The following LAPTM5 variants were observed in gnomAD, a reference collection of about 807,000 sequenced individuals.
The protein encoded by LAPTM5 is lysosomal protein transmembrane 5, also known as lysosomal-associated transmembrane protein 5.
Under a neutral mutation model 30.1 loss-of-function variants are expected in LAPTM5, and 11 were observed. The observed-to-expected ratio is 0.37, with a 90% CI of 0.23 to 0.60. The LOEUF is 0.60. Among genes scored for constraint, LAPTM5 ranks in the 20% least tolerant of loss-of-function variants. LAPTM5 has a pLI of 0.71. For missense variants in LAPTM5, 324 were observed against 332.5 expected, an observed-to-expected ratio of 0.97 and a Z score of 0.20; for synonymous variants, 151 against 137.9, an observed-to-expected ratio of 1.10 and a Z score of -0.67.
At chr1:30,741,853 G>A in intron 2 of LAPTM5, 137 bp from the exon 3 acceptor site, 1 of 574,874 alleles carries the variant, frequency 1.7e-6, no homozygotes, top group Non-Finnish European at 3.1e-6. Flanking sequence ...CCCTCTTGCA[G>A]TCCTGAGTCT....
intron 1 of LAPTM5, among the ~76,000 whole-genome samples, chr1:30,750,247 G>A (rs1003857337): frequency 6.6e-6 from 1 of 152,060 alleles, no homozygotes; most frequent in Non-Finnish European, 1.5e-5. Flanking sequence ...GATATCTGGG[G>A]AAGCACCCTC....
At chr1:30,734,007 G>T in intron 7 of LAPTM5, 90 bp from the exon 8 acceptor site, 1 of 1,365,164 alleles carries the variant, frequency 7.3e-7, no homozygotes, top group South Asian at 1.3e-5. Flanking sequence ...CCCCACCTCT[G>T]GCAAAATGAT....
Position 30,739,819 on chromosome 1 carries a change from C to G in LAPTM5, c.377G>C (p.Arg126Pro). The G allele has an allele frequency of 1.2e-6, 2 of 1,602,728 alleles. No individual in the cohort carries two copies. Among genetic ancestry groups the G allele is most frequent in the South Asian group, 2.2e-5 (2 of 89,316 alleles). Reference sequence around the variant, plus strand: ...GGGCTGGGTACTCACAGCACGGCTCCGGGAGGCCAACTTGAGGTAGGCGGG... The same window carrying G: ...GGGCTGGGTACTCACAGCACGGCTCGGGGAGGCCAACTTGAGGTAGGCGGG... ...ELPAYLKLAS[R>P]SRASSSKFPL... Residue 126 changes from arginine to proline, a missense_variant, in exon 4 of 8, where the codon CGG becomes CCG. By Grantham distance (103) the Arg-to-Pro change is moderately radical (BLOSUM62 -2). Coordinates refer to ENST00000294507, the MANE Select transcript of LAPTM5 (RefSeq NM_006762.3). This position sits in a 1 kb window ranked among gnomAD's most constrained non-coding sequence, Gnocchi z 4.2.
intron 1 of LAPTM5, among the ~76,000 whole-genome samples, chr1:30,750,999 C>G: frequency 6.6e-6 from 1 of 152,244 alleles, no homozygotes; most frequent in East Asian, 1.9e-4. Flanking sequence ...GGGAAACCAA[C>G]GCTCGCCTCA....
At chr1:30,743,795 GTT>G (rs756356075) in intron 1 of LAPTM5, among the ~76,000 whole-genome samples, 6 of 107,846 alleles carry the variant, frequency 5.6e-5, no homozygotes, top group Admixed American at 1.2e-4. Context: ...GACTGTGTGG[GTT>G]TTTTTTTTTT....
At chr1:30,734,123 A>T (rs1639855282) in intron 7 of LAPTM5, among the ~76,000 whole-genome samples, 1 of 152,176 alleles carries the variant, frequency 6.6e-6, no homozygotes, top group African/African-American at 2.4e-5. Context: ...GCCTTTGCCT[A>T]TTCAGCATCA....
chr1:30,754,409 G>A (rs1233406443), intron 1 of LAPTM5, among the ~76,000 whole-genome samples: 1 of 152,216 alleles, frequency 6.6e-6, no homozygotes, highest in East Asian at 1.9e-4. Flanking sequence ...GGTGGCATGC[G>A]CCTGTGATCC....
intron 1 of LAPTM5, among the ~76,000 whole-genome samples, chr1:30,749,620 A>G (rs1006531976): frequency 3.3e-5 from 5 of 152,084 alleles, no homozygotes; most frequent in Admixed American, 3.3e-4. Context: ...ACTCCCAGGG[A>G]CCCAGCACAC....
chr1:30,735,024 A>C, intron 7 of LAPTM5, 149 bp downstream of exon 7: 1 of 669,716 alleles, frequency 1.5e-6, no homozygotes, highest in South Asian at 1.7e-5. Flanking sequence ...TGAATCTTAG[A>C]CTACCAGAAC....
Position 30,748,857 on chromosome 1 carries a change from C to T in LAPTM5, c.88-6308G>A, listed in dbSNP as rs76311239. 9.4e-3 allele frequency among the ~76,000 whole-genome samples: 1,436 copies of T among 152,358 alleles called. 24 individuals are homozygous for T. Among genetic ancestry groups the T allele is most frequent in the African/African-American group, 0.033 (1,355 of 41,558 alleles). ...ACCTCAGTGAGAACCCCAGTGCAGC[C>T]GCTGATCCCCTGTGGGATCCTGGCC... On this transcript the variant is annotated intron_variant, in intron 1 of 7. Coordinates refer to ENST00000294507, the MANE Select transcript of LAPTM5 (RefSeq NM_006762.3).
In LAPTM5 at chr1:30,757,736, G is replaced by A. The variant is rs143486131; in HGVS notation, c.10C>T (p.Arg4Cys). 68 of 1,613,544 alleles carry A rather than the reference G, an allele frequency of 4.2e-5. 1 individual carries two copies. In the African/African-American group the frequency reaches 6.1e-4, roughly 15 times the overall value. The change falls in exon 1 of 8, where the codon CGC (arginine) becomes TGC (cysteine). Residue 4 changes from arginine (R) to cysteine (C), a missense_variant. Coordinates refer to ENST00000294507, the MANE Select transcript of LAPTM5 (RefSeq NM_006762.3). ...CAGGTCTGGCGGACAGTGGACAAGC[G>A]GGGGTCCATGGTGCTGCCGTCCCCT... MDP[R>C]LSTVRQTCCC...
At position 30,735,199 on chromosome 1, in the gene LAPTM5, TCTC is replaced by T. The variant is rs751354799; in HGVS notation, c.670_672del (p.Glu224del). 22 of 1,613,546 alleles carry T rather than the reference TCTC, an allele frequency of 1.4e-5. No individual in the cohort carries two copies. The South Asian group carries it at 2.2e-4, about 16-fold the overall frequency. On this transcript the variant is annotated inframe_deletion, in exon 7 of 8. Transcript: ENST00000294507. Reference sequence around the variant, plus strand: ...TTCTGGAGCATCTTGGAGTTTCTCTTCTCCTCCACCGAGTTCATGCACTTGATC... The same window carrying T: ...TTCTGGAGCATCTTGGAGTTTCTCTTCTCCACCGAGTTCATGCACTTGATC...
chr1:30,748,160 G>A (rs908963191), intron 1 of LAPTM5, among the ~76,000 whole-genome samples: 5 of 152,048 alleles, frequency 3.3e-5, no homozygotes, highest in Non-Finnish European at 7.4e-5. Flanking sequence ...TATAGAGAAA[G>A]GACCCAGCCG....
intron 1 of LAPTM5, among the ~76,000 whole-genome samples, chr1:30,750,444 A>G (rs895028532): frequency 2.3e-4 from 35 of 152,360 alleles, no homozygotes; most frequent in African/African-American, 8.4e-4. Flanking sequence ...TCAATCTGCA[A>G]TCCACGATGT....
At chr1:30,754,806 C>T (rs1161776660) in intron 1 of LAPTM5, among the ~76,000 whole-genome samples, 1 of 152,202 alleles carries the variant, frequency 6.6e-6, no homozygotes, top group Non-Finnish European at 1.5e-5. Flanking sequence ...ATGGCAAGGT[C>T]TCAATTTAAC....
chr1:30,745,348 C>A (rs536027010), intron 1 of LAPTM5, among the ~76,000 whole-genome samples: 1 of 152,348 alleles, frequency 6.6e-6, no homozygotes, highest in African/African-American at 2.4e-5. Flanking sequence ...TTCCAGCCAC[C>A]CGGGCTCTGC....
In LAPTM5 at chr1:30,757,726, G is replaced by A. The variant is rs1216505248; in HGVS notation, c.20C>T (p.Thr7Ile). The change falls in exon 1 of 8, where the codon ACT (threonine) becomes ATT (isoleucine). Residue 7 changes from threonine to isoleucine, a missense_variant. Transcript: ENST00000294507. ...GAAGCAGCAGCAGGTCTGGCGGACA[G>A]TGGACAAGCGGGGGTCCATGGTGCT... Reference protein sequence around the residue: MDPRLSTVRQTCCCFNV... With the variant: MDPRLSIVRQTCCCFNV... 6.2e-7 allele frequency: 1 copy of A among 1,613,694 alleles called. No homozygotes were observed. Among genetic ancestry groups the A allele is most frequent in the Non-Finnish European group, 8.5e-7 (1 of 1,180,022 alleles).
intron 7 of LAPTM5, 53 bp from the exon 8 acceptor site, chr1:30,733,970 T>G: frequency 6.3e-7 from 1 of 1,575,220 alleles, no homozygotes; most frequent in South Asian, 1.2e-5. Flanking sequence ...GACCTGCAAT[T>G]CCAACCTGGG....
intron 1 of LAPTM5, among the ~76,000 whole-genome samples, chr1:30,744,518 A>G (rs1640016681): frequency 6.6e-6 from 1 of 152,202 alleles, no homozygotes; most frequent in Non-Finnish European, 1.5e-5. Context: ...CAGCTGTGAA[A>G]TGAGAAGACT....
Sources: gnomAD v4.1 joint callset for allele counts (sites outside exome capture counted in the v4.1 genomes callset) on GRCh38, gnomAD v4.1.1 for gene constraint, Gnocchi (gnomAD v3.1) non-coding constraint, MANE v1.5 for transcripts, NCBI Gene and HGNC (gene_info 2026-07-23, HGNC 2026-07-21) for gene names.